AGPAT4: variants seen among roughly 807,000 people sequenced by gnomAD.
The protein encoded by AGPAT4 is 1-acylglycerol-3-phosphate O-acyltransferase 4.
AGPAT4 carries 15 observed loss-of-function variants against 48.0 expected under a neutral mutation model. The ratio of observed to expected loss-of-function variants is 0.31; its 90% CI spans 0.21 to 0.48. AGPAT4 has a LOEUF of 0.48. Ranked by LOEUF, AGPAT4 falls within the 20% of genes least tolerant of loss-of-function variation. The probability of loss-of-function intolerance (pLI) is 0.99; values close to 1 mark genes in which losing one functional copy is unlikely to be tolerated. For missense variants in AGPAT4, 314 were observed against 482.5 expected (o/e 0.65, Z 3.27); for synonymous variants, 178 against 198.7 (o/e 0.90, Z 0.88).
At chr6:161,156,938 G>A (rs1054339218) in intron 3 of AGPAT4, among the ~76,000 whole-genome samples, 2 of 152,214 alleles carry the variant, frequency 1.3e-5, no homozygotes, top group African/African-American at 4.8e-5. Context: ...TCCCATAAGG[G>A]ATACTTTCAG....
At chr6:161,182,627 T>C (rs1780634805) in intron 2 of AGPAT4, among the ~76,000 whole-genome samples, 1 of 152,206 alleles carries the variant, frequency 6.6e-6, no homozygotes, top group South Asian at 2.1e-4. Flanking sequence ...TGGAGTGCTC[T>C]CTGGAGCTCA....
rs1783030224 is a variant in AGPAT4 at position 161,259,139 on chromosome 6, A to G, written c.-90+14799T>C. On this transcript the variant is annotated intron_variant, in intron 1 of 8. Coordinates refer to ENST00000320285, the MANE Select transcript of AGPAT4 (RefSeq NM_020133.3). This position sits in a 1 kb window ranked among gnomAD's most constrained non-coding sequence, Gnocchi z 4.9. Reference sequence around the variant, plus strand: ...TGACAAATAAAAATTGTACATATTTATGGTGTACAACATAATGTTATGATA... The same window carrying G: ...TGACAAATAAAAATTGTACATATTTGTGGTGTACAACATAATGTTATGATA... Among the ~76,000 whole-genome samples the G allele has an allele frequency of 6.6e-6, 1 of 152,198 alleles. No individual in the cohort carries two copies. The highest frequency in any genetic ancestry group is 2.4e-5 in the African/African-American group (1 of 41,432).
rs1781433323 is a variant in AGPAT4, at chr6:161,208,346, G to T, written c.178+23690C>A. ...CTCTTGTACATTTATCATCTTTCTG[G>T]CTTTGGCAAGATCTCCCTTTTGTTC... On this transcript the variant is annotated intron_variant, in intron 2 of 8. Transcript: ENST00000320285. This position sits in a 1 kb window ranked among gnomAD's most constrained non-coding sequence, Gnocchi z 4.6. Among the ~76,000 whole-genome samples, 1 of 152,078 alleles carries T rather than the reference G, an allele frequency of 6.6e-6. No individual in the cohort carries two copies. Among genetic ancestry groups the T allele is most frequent in the African/African-American group, 2.4e-5 (1 of 41,384 alleles).
chr6:161,188,752 A>G (rs115772903), intron 2 of AGPAT4, among the ~76,000 whole-genome samples: 2,783 of 152,260 alleles, frequency 0.018, 83 homozygotes, highest in African/African-American at 0.063. Flanking sequence ...CTGGGAGGGC[A>G]GCTTGGGGAG....
At position 161,259,378 on chromosome 6, in the gene AGPAT4, C is replaced by T. The variant is rs924953015; in HGVS notation, c.-90+14560G>A. Among the ~76,000 whole-genome samples the T allele has an allele frequency of 2.0e-5, 3 of 152,074 alleles. No individual in the cohort carries two copies. The highest frequency in any genetic ancestry group is 4.4e-5 in the Non-Finnish European group (3 of 68,032). ...TCATCCTTTCTATACTGAGATAGTC[C>T]TAATATGACCTTGGCTGTCCGCAGC... is the stretch of plus-strand genomic sequence containing the variant. On this transcript the variant is annotated intron_variant, in intron 1 of 8. Coordinates refer to ENST00000320285, the MANE Select transcript of AGPAT4 (RefSeq NM_020133.3). The surrounding 1 kb of genome is among the most constrained non-coding windows in gnomAD (Gnocchi z 4.9).
At chr6:161,173,283 C>A (rs1583301840) in intron 2 of AGPAT4, among the ~76,000 whole-genome samples, 1 of 152,228 alleles carries the variant, frequency 6.6e-6, no homozygotes, top group African/African-American at 2.4e-5. Context: ...GTTCCTATTT[C>A]TCCACATCCT....
chr6:161,260,336 A>G (rs1783063828), intron 1 of AGPAT4, among the ~76,000 whole-genome samples: 1 of 151,958 alleles, frequency 6.6e-6, no homozygotes, highest in South Asian at 2.1e-4. Context: ...ACTAACTGCT[A>G]CTCTCTTGGA....
chr6:161,136,227 C>T lies in AGPAT4; in HGVS notation c.*313G>A, dbSNP rs1779060824. On this transcript the variant is annotated 3_prime_UTR_variant, in exon 9 of 9. Coordinates refer to ENST00000320285, the MANE Select transcript of AGPAT4 (RefSeq NM_020133.3). ...AACTTGTCCCCTTCGGTCCCCAGCC[C>T]TGCCCTCCCCTGCAGCCTAAAATAC... The T allele has an allele frequency of 9.1e-6, 3 of 329,780 alleles. No individual in the cohort carries two copies. The South Asian group carries it at 1.3e-4, about 14-fold the overall frequency. The allele number at this position is 329,780 out of a possible 1,614,324, so 20.4% of individuals were successfully genotyped here. A position where few individuals can be genotyped will look rare whatever the true frequency, so the allele number is the denominator to read the frequency against.
In AGPAT4 at chr6:161,231,550, G is replaced by A. The variant is rs1317471284; in HGVS notation, c.178+486C>T. ...TCAGTATTATTTGTTACAGCTTCAT[G>A]TGAATCTATTATCTCAAAATAAAAA... On this transcript the variant is annotated intron_variant, in intron 2 of 8. Transcript: ENST00000320285. The surrounding 1 kb of genome is among the most constrained non-coding windows in gnomAD (Gnocchi z 5.3). Among the ~76,000 whole-genome samples the A allele has an allele frequency of 6.6e-6, 1 of 152,042 alleles. No homozygotes were observed. Among genetic ancestry groups the A allele is most frequent in the Non-Finnish European group, 1.5e-5 (1 of 68,022 alleles).
Position 161,144,087 on chromosome 6 carries a change from T to C in AGPAT4, c.843+2437A>G. 1 of 528,334 alleles carries C rather than the reference T, an allele frequency of 1.9e-6. No individual in the cohort carries two copies. Among genetic ancestry groups the C allele is most frequent in the South Asian group, 1.4e-5 (1 of 70,734 alleles). The allele number at this position is 528,334 out of a possible 1,614,324, so 32.7% of individuals were successfully genotyped here. A position where few individuals can be genotyped will look rare whatever the true frequency, so the allele number is the denominator to read the frequency against. ...ACGTAAAGCTTTAGATCTAGGCTCC[T>C]AGCAAAATAGGCTGATACAGAAAGG... On this transcript the variant is annotated intron_variant, in intron 7 of 8. Transcript: ENST00000320285. The surrounding 1 kb of genome is among the most constrained non-coding windows in gnomAD (Gnocchi z 6.6).
chr6:161,168,609 G>A (rs1780177066), intron 2 of AGPAT4, among the ~76,000 whole-genome samples: 1 of 152,052 alleles, frequency 6.6e-6, no homozygotes, highest in Admixed American at 6.5e-5. Context: ...CCTGGCACAT[G>A]GATGCTTTCA....
rs1783199585 is a variant in AGPAT4, at chr6:161,264,697, G to A, written c.-90+9241C>T. 1.3e-5 allele frequency among the ~76,000 whole-genome samples: 2 copies of A among 152,144 alleles called. No homozygotes were observed. Among genetic ancestry groups the A allele is most frequent in the Non-Finnish European group, 2.9e-5 (2 of 67,998 alleles). ...TTGTATTCCTGCGGGCTGAATGCAC[G>A]GGCTCCCTAAGAAACGCTGAAAGGG... On this transcript the variant is annotated intron_variant, in intron 1 of 8. Transcript: ENST00000320285. The surrounding 1 kb of genome is among the most constrained non-coding windows in gnomAD (Gnocchi z 6.8).
rs764061783 is a variant in AGPAT4 at position 161,232,218 on chromosome 6, C to G, written c.-5G>C. On this transcript the variant is annotated 5_prime_UTR_variant, in exon 2 of 9. Coordinates refer to ENST00000320285, the MANE Select transcript of AGPAT4 (RefSeq NM_020133.3). This position sits in a 1 kb window ranked among gnomAD's most constrained non-coding sequence, Gnocchi z 6.8. ...CAGCAGTCCCGCGAGGTCCATGATG[C>G]GTGGACGCTCTTATTCAGAAATAAA... is the stretch of plus-strand genomic sequence containing the variant. 6.2e-7 allele frequency: 1 copy of G among 1,612,378 alleles called. No individual in the cohort carries two copies. The highest frequency in any genetic ancestry group is 1.3e-5 in the African/African-American group (1 of 74,834).
In AGPAT4 at chr6:161,246,445, T is replaced by C. The variant is rs540195618; in HGVS notation, c.-89-14143A>G. 6.6e-6 allele frequency among the ~76,000 whole-genome samples: 1 copy of C among 152,186 alleles called. No homozygotes were observed. The highest frequency in any genetic ancestry group is 2.1e-4 in the South Asian group (1 of 4,802). On this transcript the variant is annotated intron_variant, in intron 1 of 8. Coordinates refer to ENST00000320285, the MANE Select transcript of AGPAT4 (RefSeq NM_020133.3). The surrounding 1 kb of genome is among the most constrained non-coding windows in gnomAD (Gnocchi z 5.5). ...TTTTTTTGAGACAGAGTTTCACTCT[T>C]GTTGCCCAGGCTGGAGTGCAATGGA...
chr6:161,244,975 GC>G lies in AGPAT4; in HGVS notation c.-89-12674del, dbSNP rs1230534623. On this transcript the variant is annotated intron_variant, in intron 1 of 8. Coordinates refer to ENST00000320285, the MANE Select transcript of AGPAT4 (RefSeq NM_020133.3). The surrounding 1 kb of genome is among the most constrained non-coding windows in gnomAD (Gnocchi z 4.7). ...AGCAACCAGAGCCAAAGGCCACGTAGCAAAACACGTGGGCATGAGAACTCTC... is the reference window on the plus strand; with the variant it reads ...AGCAACCAGAGCCAAAGGCCACGTAGAAAACACGTGGGCATGAGAACTCTC... Among the ~76,000 whole-genome samples, 1 of 152,220 alleles carries G rather than the reference GC, an allele frequency of 6.6e-6. No individual in the cohort carries two copies. Among genetic ancestry groups the G allele is most frequent in the East Asian group, 1.9e-4 (1 of 5,204 alleles).
Position 161,139,412 on chromosome 6 carries a change from C to G in AGPAT4, c.1042+10G>C, listed in dbSNP as rs1240721169. On this transcript the variant is annotated intron_variant, in intron 8 of 8. Transcript: ENST00000320285. The surrounding 1 kb of genome is among the most constrained non-coding windows in gnomAD (Gnocchi z 9.1). ...TGTCAGCACCCACCAGCCCCTTGCC[C>G]TCCACTCACCCACAAAGAAGACGAG... The G allele has an allele frequency of 6.2e-7, 1 of 1,613,476 alleles. No homozygotes were observed. Among genetic ancestry groups the G allele is most frequent in the Non-Finnish European group, 8.5e-7 (1 of 1,179,674 alleles).
rs993067300 is a variant in AGPAT4, at chr6:161,251,213, T to C, written c.-89-18911A>G. ...AGCTACTCAATCCATCTTACACTTA[T>C]TTTTGGTTACAGTCCTCTGTGAAGA... On this transcript the variant is annotated intron_variant, in intron 1 of 8. Coordinates refer to ENST00000320285, the MANE Select transcript of AGPAT4 (RefSeq NM_020133.3). The surrounding 1 kb of genome is among the most constrained non-coding windows in gnomAD (Gnocchi z 4.6). Among the ~76,000 whole-genome samples the C allele has an allele frequency of 2.6e-5, 4 of 152,208 alleles. No individual in the cohort carries two copies. The highest frequency in any genetic ancestry group is 6.5e-5 in the Admixed American group (1 of 15,286).
rs1248237917 is a variant in AGPAT4 at position 161,270,641 on chromosome 6, G to A, written c.-90+3297C>T. Among the ~76,000 whole-genome samples the A allele has an allele frequency of 1.3e-5, 2 of 152,114 alleles. No individual in the cohort carries two copies. Among genetic ancestry groups the A allele is most frequent in the East Asian group, 3.9e-4 (2 of 5,188 alleles). On this transcript the variant is annotated intron_variant, in intron 1 of 8. Coordinates refer to ENST00000320285, the MANE Select transcript of AGPAT4 (RefSeq NM_020133.3). This position sits in a 1 kb window ranked among gnomAD's most constrained non-coding sequence, Gnocchi z 5.3. ...AAAAAATAAAAAATAAATTAGCTGG[G>A]CGTGGTGCCACATGCTTGTGATCCC...
chr6:161,159,594 T>A lies in AGPAT4; in HGVS notation c.349-5284A>T, dbSNP rs375636468. Among the ~76,000 whole-genome samples, 320 of 152,180 alleles carry A rather than the reference T, an allele frequency of 2.1e-3. 1 individual carries two copies. Among genetic ancestry groups the A allele is most frequent in the African/African-American group, 7.4e-3 (307 of 41,502 alleles). Reference sequence around the variant, plus strand: ...ACTGGAGCTCAAAATAATGAATCAGTTTGTGTGCACGCGTGCGTGTGTGTG... The same window carrying A: ...ACTGGAGCTCAAAATAATGAATCAGATTGTGTGCACGCGTGCGTGTGTGTG... On this transcript the variant is annotated intron_variant, in intron 3 of 8. Coordinates refer to ENST00000320285, the MANE Select transcript of AGPAT4 (RefSeq NM_020133.3). The surrounding 1 kb of genome is among the most constrained non-coding windows in gnomAD (Gnocchi z 4.1).
Sources: allele counts gnomAD v4.1 joint callset (sites outside exome capture counted in the v4.1 genomes callset), GRCh38; gene constraint gnomAD v4.1.1; non-coding constraint Gnocchi (gnomAD v3.1); transcripts MANE v1.5; gene names NCBI Gene and HGNC (gene_info 2026-07-23, HGNC 2026-07-21).